The following GTF2I variants were observed in gnomAD, a reference collection of about 807,000 sequenced individuals.
The protein encoded by GTF2I is general transcription factor II-I.
A neutral mutation model predicts 67.6 loss-of-function variants in GTF2I; 12 were observed. The observed-to-expected ratio is 0.18, with a 90% confidence interval of 0.11 to 0.29. The LOEUF is 0.29. Ranked by LOEUF, GTF2I falls within the 10% of genes least tolerant of loss-of-function variation. The pLI, the probability that GTF2I is intolerant of heterozygous loss-of-function variation, is 1.00. For synonymous variants in GTF2I, 149 were observed against 197.0 expected, an observed-to-expected ratio of 0.76 and a Z score of 2.04; for missense variants, 271 against 580.1, an observed-to-expected ratio of 0.47 and a Z score of 5.47.
intron 1 of GTF2I, among the ~76,000 whole-genome samples, chr7:74,664,349 T>G (rs1225996619): frequency 1.3e-5 from 2 of 152,174 alleles, no homozygotes; most frequent in African/African-American, 2.4e-5. Flanking sequence ...TTTGGCCTAC[T>G]GAGAAAGTAA....
intron 6 of GTF2I, among the ~76,000 whole-genome samples, chr7:74,703,210 G>A (rs1435207178): frequency 1.3e-5 from 2 of 151,266 alleles, no homozygotes; most frequent in African/African-American, 4.9e-5. Flanking sequence ...TTTTTGCAAT[G>A]GTGTCACTCT....
chr7:74,696,921 C>T (rs968493451), intron 3 of GTF2I, among the ~76,000 whole-genome samples: 1 of 152,022 alleles, frequency 6.6e-6, no homozygotes, highest in African/African-American at 2.4e-5. Flanking sequence ...GAATTCTGAG[C>T]GCTTTTCTGG....
At position 74,700,300 on chromosome 7, in the gene GTF2I, C is replaced by G. The variant is rs1064765; in HGVS notation, c.427C>G (p.Arg143Gly). Reference protein sequence around the residue: ...VVPVPYEKMLRDQSAVVVQGL... With the variant: ...VVPVPYEKMLGDQSAVVVQGL... ...ACCTGTACCATATGAGAAGATGCTG[C>G]GAGACCAGTCGGCTGTGGTAGTGCA... is the stretch of plus-strand genomic sequence containing the variant. Residue 143 changes from arginine (R) to glycine (G), a missense_variant, in exon 5 of 35, where the codon CGA (arginine) becomes GGA (glycine). By Grantham distance (125) the Arg-to-Gly change is moderately radical. Coordinates refer to ENST00000573035, the MANE Select transcript of GTF2I (RefSeq NM_032999.4). The G allele has an allele frequency of 6.2e-7, 1 of 1,614,082 alleles. No individual in the cohort carries two copies. The highest frequency in any genetic ancestry group is 8.5e-7 in the Non-Finnish European group (1 of 1,180,014).
intron 1 of GTF2I, among the ~76,000 whole-genome samples, chr7:74,658,410 G>A (rs1485420992): frequency 6.9e-6 from 1 of 145,386 alleles, no homozygotes; most frequent in African/African-American, 2.5e-5. Context: ...ACCGGCGTGC[G>A]GTGGGGGGGC....
intron 12 of GTF2I, among the ~76,000 whole-genome samples, chr7:74,726,098 T>A (rs1299979698): frequency 6.6e-6 from 1 of 152,130 alleles, no homozygotes; most frequent in African/African-American, 2.4e-5. Flanking sequence ...CATTCTACTC[T>A]AGCAGCTTTC....
intron 1 of GTF2I, among the ~76,000 whole-genome samples, chr7:74,683,406 C>T (rs1011294803): frequency 2.0e-5 from 3 of 152,044 alleles, no homozygotes; most frequent in South Asian, 2.1e-4. Context: ...TCTATTCCAG[C>T]GAAAATACCT....
Position 74,710,589 on chromosome 7 carries a change from A to C in GTF2I, c.686-443A>C, listed in dbSNP as rs77472850. On this transcript the variant is annotated intron_variant, in intron 8 of 34. Transcript: ENST00000573035. ...TACCCTTACACAAATCCCTGTAATA[A>C]AAGGGATGTATTAGGCAGAAAAAAA... is the stretch of plus-strand genomic sequence containing the variant. Among the ~76,000 whole-genome samples, 152 of 152,312 alleles carry C rather than the reference A, an allele frequency of 1.0e-3. 2 individuals carry two copies. The East Asian group carries it at 0.027, about 27-fold the overall frequency.
At chr7:74,661,307 AGCC>A (rs1173135527) in intron 1 of GTF2I, among the ~76,000 whole-genome samples, 7 of 152,312 alleles carry the variant, frequency 4.6e-5, no homozygotes, top group Non-Finnish European at 1.0e-4. Context: ...CTTCCCGGAC[AGCC>A]CTTTGAGAAC....
At chr7:74,749,653 C>CCAAA (rs1398393302) in intron 26 of GTF2I, among the ~76,000 whole-genome samples, 1 of 151,222 alleles carries the variant, frequency 6.6e-6, no homozygotes, top group Non-Finnish European at 1.5e-5. Context: ...CTTTGGGAGG[C>CCAAA]CAAAGCAGGT....
At chr7:74,711,951 T>G (rs1172215626) in intron 9 of GTF2I, among the ~76,000 whole-genome samples, 34 of 143,968 alleles carry the variant, frequency 2.4e-4, no homozygotes, top group Non-Finnish European at 3.4e-4. Flanking sequence ...ATTTCTCTCT[T>G]TTTTTTTTTT....
At chr7:74,720,728 A>C (rs1205171813) in intron 12 of GTF2I, among the ~76,000 whole-genome samples, 2 of 148,034 alleles carry the variant, frequency 1.4e-5, no homozygotes, top group African/African-American at 5.0e-5. Context: ...ATCTTAAAGC[A>C]GATAGAAGCT....
At chr7:74,678,215 C>T (rs587621354) in intron 1 of GTF2I, among the ~76,000 whole-genome samples, 67 of 146,762 alleles carry the variant, frequency 4.6e-4, no homozygotes, top group Admixed American at 8.2e-4. Flanking sequence ...CTACTGAGCC[C>T]GGCTTTTTTT....
chr7:74,670,138 T>C (rs995405241), intron 1 of GTF2I, among the ~76,000 whole-genome samples: 2 of 152,198 alleles, frequency 1.3e-5, no homozygotes, highest in Non-Finnish European at 2.9e-5. Flanking sequence ...TTTAGTGAAG[T>C]TTAAATTATA....
chr7:74,724,859 T>G (rs1793552947), intron 12 of GTF2I, among the ~76,000 whole-genome samples: 1 of 152,142 alleles, frequency 6.6e-6, no homozygotes, highest in Non-Finnish European at 1.5e-5. Context: ...AAGTGGAGAT[T>G]GCAGTGAGCC....
At chr7:74,661,552 G>T (rs901102418) in intron 1 of GTF2I, among the ~76,000 whole-genome samples, 5 of 151,968 alleles carry the variant, frequency 3.3e-5, no homozygotes, top group African/African-American at 1.2e-4. Context: ...GGTGGCGTGC[G>T]TACGTAGTTT....
At chr7:74,717,569 A>G (rs1261919675) in intron 11 of GTF2I, among the ~76,000 whole-genome samples, 1 of 152,168 alleles carries the variant, frequency 6.6e-6, no homozygotes, top group African/African-American at 2.4e-5. Context: ...GGTTCCACAC[A>G]AATTTTTGTA....
At chr7:74,660,725 G>A (rs1487204186) in intron 1 of GTF2I, among the ~76,000 whole-genome samples, 2 of 149,754 alleles carry the variant, frequency 1.3e-5, no homozygotes, top group East Asian at 2.0e-4. Flanking sequence ...GGGTTCAAGC[G>A]ATTCTCCTGC....
At chr7:74,693,690 C>A (rs1244860835) in intron 3 of GTF2I, among the ~76,000 whole-genome samples, 1 of 151,974 alleles carries the variant, frequency 6.6e-6, no homozygotes, top group African/African-American at 2.4e-5. Context: ...ACTAAAAATA[C>A]AAAAAATTAG....
At chr7:74,719,146 C>T (rs1792618562) in intron 12 of GTF2I, among the ~76,000 whole-genome samples, 1 of 152,102 alleles carries the variant, frequency 6.6e-6, no homozygotes, top group African/African-American at 2.4e-5. Flanking sequence ...TTAGCATTGG[C>T]CCACGGGTGG....
Sources: gnomAD v4.1 joint callset for allele counts (sites outside exome capture counted in the v4.1 genomes callset) on GRCh38, gnomAD v4.1.1 for gene constraint, MANE v1.5 for transcripts, NCBI Gene and HGNC (gene_info 2026-07-23, HGNC 2026-07-21) for gene names.